The following SMG1 variants were observed in gnomAD, a reference collection of about 807,000 sequenced individuals.
The protein encoded by SMG1 is serine/threonine-protein kinase SMG1.
In SMG1, 22 loss-of-function variants were observed where a neutral mutation model predicts 419.9. The ratio of observed to expected loss-of-function variants is 0.05; its 90% CI spans 0.04 to 0.07. SMG1 has a LOEUF of 0.07. Among genes scored for constraint, SMG1 ranks in the 10% least tolerant of loss-of-function variants. SMG1 has a pLI of 1.00. For missense variants in SMG1, 3,185 were observed against 4,342.0 expected (o/e 0.73, Z 7.49); for synonymous variants, 1,538 against 1,553.5 (o/e 0.99, Z 0.23).
chr16:18,907,993 C>G (rs2037638811), intron 1 of SMG1, among the ~76,000 whole-genome samples: 1 of 151,838 alleles, frequency 6.6e-6, no homozygotes, highest in Admixed American at 6.6e-5. Flanking sequence ...AAATATCTTA[C>G]TCTATGACCT....
intron 1 of SMG1, among the ~76,000 whole-genome samples, chr16:18,908,624 A>G (rs1488422204): frequency 6.6e-6 from 1 of 152,164 alleles, no homozygotes; most frequent in Admixed American, 6.5e-5. Context: ...TCACGCCTGT[A>G]ATCCCAGCAC....
At chr16:18,836,811 C>T (rs781036937) in intron 46 of SMG1, among the ~76,000 whole-genome samples, 8 of 152,194 alleles carry the variant, frequency 5.3e-5, no homozygotes, top group Non-Finnish European at 1.0e-4. Context: ...CTGAGAGCCT[C>T]ACACAATGCT....
intron 10 of SMG1, among the ~76,000 whole-genome samples, chr16:18,880,059 T>C (rs1047724524): frequency 2.0e-5 from 3 of 152,198 alleles, no homozygotes; most frequent in Admixed American, 6.5e-5. Flanking sequence ...AGTAATGGTA[T>C]TGACAGCATG....
intron 3 of SMG1, 23 bp from the exon 4 acceptor site, chr16:18,892,377 T>C: frequency 6.5e-7 from 1 of 1,539,400 alleles, no homozygotes; most frequent in Middle Eastern, 2.3e-4. Context: ...AAACATTTTG[T>C]TGTCCATTGA....
chr16:18,857,405 A>G (rs1294006863), intron 29 of SMG1: 2 of 152,252 alleles, frequency 1.3e-5, no homozygotes, highest in African/African-American at 4.8e-5. Flanking sequence ...TACGTGACAA[A>G]GAACTTAGGT....
intron 51 of SMG1, among the ~76,000 whole-genome samples, chr16:18,831,718 T>C (rs2650621): frequency 0.18 from 26,028 of 142,686 alleles, 2,439 homozygotes; most frequent in Middle Eastern, 0.26. Context: ...ATCGCACCAT[T>C]GCACTCCAGC....
chr16:18,865,083 A>G lies in SMG1; in HGVS notation c.3351-939T>C, dbSNP rs1464985905. On this transcript the variant is annotated intron_variant, in intron 23 of 62. Transcript: ENST00000446231. Reference sequence around the variant, plus strand: ...TCTAGATGCATAATGCTGAAATACAACATTAAACATTAAAAACAAATTATA... The same window carrying G: ...TCTAGATGCATAATGCTGAAATACAGCATTAAACATTAAAAACAAATTATA... Among the ~76,000 whole-genome samples the G allele has an allele frequency of 4.6e-5, 7 of 152,224 alleles. No individual in the cohort carries two copies. The East Asian group carries it at 1.3e-3, about 29-fold the overall frequency.
intron 1 of SMG1, among the ~76,000 whole-genome samples, chr16:18,906,359 T>C (rs1033445794): frequency 2.6e-5 from 4 of 152,100 alleles, no homozygotes; most frequent in Non-Finnish European, 5.9e-5. Flanking sequence ...GGTGCGCACC[T>C]GTAATTCCAG....
intron 35 of SMG1, 134 bp from the exon 36 acceptor site, chr16:18,849,512 C>A: frequency 1.2e-6 from 1 of 848,908 alleles, no homozygotes. Flanking sequence ...CAAATTTCTC[C>A]CTGTGATAAT....
At position 18,917,093 on chromosome 16, in the gene SMG1, T is replaced by C. The variant is rs1393425478; in HGVS notation, c.92+8857A>G. Among the ~76,000 whole-genome samples the C allele has an allele frequency of 3.3e-5, 5 of 152,106 alleles. No individual in the cohort carries two copies. The South Asian group carries it at 6.2e-4, about 19-fold the overall frequency. Reference sequence around the variant, plus strand: ...ACACCAGATAACAAATGAGGGGCTTTTGCTTATGGAAATTCTCACATATTG... The same window carrying C: ...ACACCAGATAACAAATGAGGGGCTTCTGCTTATGGAAATTCTCACATATTG... On this transcript the variant is annotated intron_variant, in intron 1 of 62. Transcript: ENST00000446231.
chr16:18,850,684 G>C (rs1043201278), intron 33 of SMG1, among the ~76,000 whole-genome samples: 11 of 152,120 alleles, frequency 7.2e-5, no homozygotes, highest in Admixed American at 7.2e-4. Context: ...ATTTAGCAAA[G>C]ACTAGACTTT....
At position 18,819,512 on chromosome 16, in the gene SMG1, C is replaced by G. The variant is rs368882834; in HGVS notation, c.9884G>C (p.Arg3295Thr). 7 of 1,610,212 alleles carry G rather than the reference C, an allele frequency of 4.3e-6. No individual in the cohort carries two copies. The highest frequency in any genetic ancestry group is 5.9e-6 in the Non-Finnish European group (7 of 1,178,140). The change falls in exon 56 of 63, where the codon AGA (arginine) becomes ACA (threonine). Residue 3295 changes from arginine to threonine, a missense_variant. Transcript: ENST00000446231. ...RRNLVLKESQRASQVTFLCSN... is the reference protein window; with the variant it reads ...RRNLVLKESQTASQVTFLCSN... ...TGTAAGTCACAATACCTGACTTGCTCTTTGGCTCTCTTTAAGGACAAGATT... is the reference window on the plus strand; with the variant it reads ...TGTAAGTCACAATACCTGACTTGCTGTTTGGCTCTCTTTAAGGACAAGATT...
rs2037517027 is a variant in SMG1, at chr16:18,905,289, CT to C, written c.93-8334del. 4.6e-5 allele frequency among the ~76,000 whole-genome samples: 7 copies of C among 152,110 alleles called. 1 individual carries two copies. In the South Asian group the frequency reaches 1.5e-3, roughly 32 times the overall value. On this transcript the variant is annotated intron_variant, in intron 1 of 62. Coordinates refer to ENST00000446231, the MANE Select transcript of SMG1 (RefSeq NM_015092.5). ...ACAAAAAACAAAAAACAAAAAAACC[CT>C]TTAACTGCCTTTCTCCCTCTATCAA...
intron 49 of SMG1, 53 bp downstream of exon 49, chr16:18,834,839 G>C (rs185776284): frequency 1.3e-6 from 2 of 1,553,730 alleles, no homozygotes; most frequent in East Asian, 2.3e-5. Flanking sequence ...TTTTAGGTTT[G>C]GGATTAAAAA....
At chr16:18,862,086 A>G (rs1011207487) in intron 25 of SMG1, among the ~76,000 whole-genome samples, 3 of 152,126 alleles carry the variant, frequency 2.0e-5, no homozygotes, top group Non-Finnish European at 4.4e-5. Flanking sequence ...CACTGACCAA[A>G]TAACTTACCT....
intron 1 of SMG1, among the ~76,000 whole-genome samples, chr16:18,922,589 C>G (rs187693245): frequency 1.7e-4 from 26 of 152,240 alleles, no homozygotes; most frequent in South Asian, 6.2e-4. Flanking sequence ...CTCAGCCTCC[C>G]GAGTAACTGG....
intron 56 of SMG1, among the ~76,000 whole-genome samples, chr16:18,818,930 C>A (rs1045257048): frequency 1.3e-5 from 2 of 151,716 alleles, no homozygotes; most frequent in African/African-American, 2.4e-5. Flanking sequence ...GATTCCCCTG[C>A]CTCAGACTCC....
In SMG1 at chr16:18,805,962, C is replaced by A. The variant is rs912235131; in HGVS notation, c.*3607G>T. Reference sequence around the variant, plus strand: ...GAAAATAATTGGGAGAAAAGAAGAACCAGCTCCTTTGATTTCAGTACTGCC... The same window carrying A: ...GAAAATAATTGGGAGAAAAGAAGAAACAGCTCCTTTGATTTCAGTACTGCC... On this transcript the variant is annotated 3_prime_UTR_variant, in exon 63 of 63. Transcript: ENST00000446231. 2 of 152,548 alleles carry A rather than the reference C, an allele frequency of 1.3e-5. No homozygotes were observed. The highest frequency in any genetic ancestry group is 4.8e-5 in the African/African-American group (2 of 41,414). 9.4% of individuals were successfully genotyped at this position (152,548 alleles called of 1,614,324 possible).
At position 18,833,008 on chromosome 16, in the gene SMG1, C is replaced by T. The variant is rs769623381; in HGVS notation, c.8724G>A (p.Gln2908=). ...CCATAGCTGCGTTTCTTAAGTAGGCCTGAAGAGATTCCACTAGAGTCTGCA... is the reference window on the plus strand; with the variant it reads ...CCATAGCTGCGTTTCTTAAGTAGGCTTGAAGAGATTCCACTAGAGTCTGCA... ...VPLQTLVESL[Q]AYLRNAAMGL... Residue 2908 remains glutamine, a synonymous_variant, in exon 51 of 63, where the codon CAG becomes CAA. Transcript: ENST00000446231. 2 of 1,613,940 alleles carry T rather than the reference C, an allele frequency of 1.2e-6. No homozygotes were observed. Among genetic ancestry groups the T allele is most frequent in the South Asian group, 2.2e-5 (2 of 91,078 alleles).
Sources: gnomAD v4.1 joint callset for allele counts (sites outside exome capture counted in the v4.1 genomes callset) on GRCh38, gnomAD v4.1.1 for gene constraint, MANE v1.5 for transcripts, NCBI Gene and HGNC (gene_info 2026-07-23, HGNC 2026-07-21) for gene names.